Variants in SLC25A48 observed in about 807,000 individuals in gnomAD.
SLC25A48 encodes CTC-321K16.1.
SLC25A48 carries 29 observed loss-of-function variants against 32.2 expected under a neutral mutation model. The observed-to-expected ratio is 0.90, with a 90% CI of 0.67 to 1.23. The LOEUF (loss-of-function observed/expected upper bound fraction) is 1.23, where lower values mean the gene tolerates loss of function less well. Ranked by LOEUF, SLC25A48 falls within the 50% of genes most tolerant of loss-of-function variation. SLC25A48 has a pLI of 0.00. For missense variants in SLC25A48, 399 were observed against 422.7 expected (o/e 0.94, Z 0.49); for synonymous variants, 164 against 172.3 (o/e 0.95, Z 0.38).
In SLC25A48 at chr5:135,639,270, C is replaced by A. The variant is rs184969122; in HGVS notation, c.-521+4314C>A. Among the ~76,000 whole-genome samples, 1,168 of 152,300 alleles carry A rather than the reference C, an allele frequency of 7.7e-3. 11 individuals carry two copies. Among genetic ancestry groups the A allele is most frequent in the Middle Eastern group, 0.014 (4 of 294 alleles). ...TTGTGCATAAAGGGCTATAGTACAG[C>A]AAGGGAGATGCCAGACAATGAAAAC... On this transcript the variant is annotated intron_variant, in intron 3 of 10. Coordinates refer to the SLC25A48 transcript ENST00000646290.
chr5:135,637,551 G>T (rs1752734011), intron 3 of SLC25A48, among the ~76,000 whole-genome samples: 1 of 152,210 alleles, frequency 6.6e-6, no homozygotes, highest in Non-Finnish European at 1.5e-5. Flanking sequence ...TCATGCTAAA[G>T]ATCAAGATGA....
chr5:135,804,013 G>T (rs775439615), intron 3 of SLC25A48, among the ~76,000 whole-genome samples: 1 of 151,398 alleles, frequency 6.6e-6, no homozygotes, highest in Non-Finnish European at 1.5e-5. Flanking sequence ...TACACATGCT[G>T]TACATTTTCT....
intron 5 of SLC25A48, chr5:135,872,215 A>G: frequency 3.7e-6 from 1 of 269,782 alleles, no homozygotes; most frequent in Non-Finnish European, 6.8e-6. Context: ...ACACTTCATC[A>G]TTTTGTGACC....
chr5:135,638,347 C>T (rs1175803403), intron 3 of SLC25A48, among the ~76,000 whole-genome samples: 1 of 152,040 alleles, frequency 6.6e-6, no homozygotes, highest in Non-Finnish European at 1.5e-5. Flanking sequence ...ATATGGCTTA[C>T]ACTTTAATGT....
At position 135,728,841 on chromosome 5, in the gene SLC25A48, T is replaced by TACACACACACACACAC. The variant is rs33918902; in HGVS notation, c.-520-83654_-520-83639dup. On this transcript the variant is annotated intron_variant, in intron 3 of 10. Coordinates refer to the SLC25A48 transcript ENST00000646290. ...AATTTCCCCTGAACACATACACAAA[T>TACACACACACACACAC]ACACACACACACACACACACACACA... 7.1e-3 allele frequency among the ~76,000 whole-genome samples: 1,001 copies of TACACACACACACACAC among 141,610 alleles called. 9 individuals are homozygous for TACACACACACACACAC. Among genetic ancestry groups the TACACACACACACACAC allele is most frequent in the Admixed American group, 0.022 (302 of 13,970 alleles). The allele number at this position is 141,610 out of a possible 152,430, so 92.9% of individuals were successfully genotyped here. A position where few individuals can be genotyped will look rare whatever the true frequency, so the allele number is the denominator to read the frequency against.
chr5:135,875,451 A>C, intron 6 of SLC25A48: 1 of 152,292 alleles, frequency 6.6e-6, no homozygotes, highest in South Asian at 2.1e-4. Flanking sequence ...TGAGAGGGAC[A>C]AGATCCAAAA....
chr5:135,655,032 C>T (rs1257773104), intron 3 of SLC25A48, among the ~76,000 whole-genome samples: 1 of 152,142 alleles, frequency 6.6e-6, no homozygotes, highest in Non-Finnish European at 1.5e-5. Context: ...AGCTGGGGGA[C>T]CTAGCAGGGC....
At chr5:135,868,663 C>G (rs946557727) in intron 4 of SLC25A48, among the ~76,000 whole-genome samples, 4 of 87,640 alleles carry the variant, frequency 4.6e-5, no homozygotes, top group Non-Finnish European at 1.1e-4. Flanking sequence ...TATGTGTATA[C>G]ACACACACAC....
intron 3 of SLC25A48, among the ~76,000 whole-genome samples, chr5:135,768,806 C>G (rs909293591): frequency 1.3e-5 from 2 of 151,492 alleles, no homozygotes; most frequent in African/African-American, 4.9e-5. Flanking sequence ...TCATAATATC[C>G]AGGTAAAAGA....
At chr5:135,606,477 G>A (rs1165977373) in intron 1 of SLC25A48, among the ~76,000 whole-genome samples, 2 of 152,228 alleles carry the variant, frequency 1.3e-5, no homozygotes, top group Non-Finnish European at 2.9e-5. Context: ...AAGTGACTGT[G>A]CTGTATCTAT....
intron 3 of SLC25A48, among the ~76,000 whole-genome samples, chr5:135,668,204 C>G (rs7707534): frequency 6.6e-6 from 1 of 151,980 alleles, no homozygotes; most frequent in African/African-American, 2.4e-5. Context: ...CACTAACAAG[C>G]GGCCAGAGAT....
chr5:135,818,054 C>CTCTCTCTCTCTCT (rs1757773517), intron 4 of SLC25A48, among the ~76,000 whole-genome samples: 7 of 80,646 alleles, frequency 8.7e-5, no homozygotes, highest in African/African-American at 3.1e-4. Context: ...TCTCTCTGTT[C>CTCTCTCTCTCTCT]CTCTCTCTCT....
At chr5:135,707,021 A>T (rs1754528334) in intron 3 of SLC25A48, among the ~76,000 whole-genome samples, 1 of 152,178 alleles carries the variant, frequency 6.6e-6, no homozygotes, top group Non-Finnish European at 1.5e-5. Context: ...GTGTGCAGTG[A>T]GTGGATGAGT....
intron 3 of SLC25A48, among the ~76,000 whole-genome samples, chr5:135,693,192 C>T (rs1299656931): frequency 6.6e-6 from 1 of 152,172 alleles, no homozygotes; most frequent in Non-Finnish European, 1.5e-5. Context: ...AAAACTTCTA[C>T]ATTTGGCTTG....
intron 3 of SLC25A48, among the ~76,000 whole-genome samples, chr5:135,734,416 G>C (rs1285216559): frequency 2.6e-5 from 4 of 152,130 alleles, no homozygotes. Flanking sequence ...GCACCAGAGT[G>C]GGGGAGTTTT....
chr5:135,685,196 A>G (rs1753990986), intron 3 of SLC25A48, among the ~76,000 whole-genome samples: 1 of 151,928 alleles, frequency 6.6e-6, no homozygotes, highest in African/African-American at 2.4e-5. Flanking sequence ...AGCAATTTGC[A>G]TCTCTTTTTT....
At chr5:135,839,787 C>T (rs1032714454) in intron 1 of SLC25A48, among the ~76,000 whole-genome samples, 11 of 152,106 alleles carry the variant, frequency 7.2e-5, no homozygotes, top group South Asian at 6.2e-4. Context: ...ATCATGGGGG[C>T]GAGTTTTCCT....
chr5:135,832,633 G>A (rs1758247784), upstream of SLC25A48, among the ~76,000 whole-genome samples: 2 of 152,156 alleles, frequency 1.3e-5, no homozygotes. Context: ...ATCTCAGATG[G>A]ATTGTCTCCT....
At chr5:135,596,034 C>T (rs1471921319) in intron 1 of SLC25A48, among the ~76,000 whole-genome samples, 2 of 152,192 alleles carry the variant, frequency 1.3e-5, no homozygotes, top group Non-Finnish European at 2.9e-5. Context: ...ACCCCTTACC[C>T]TTGCCAGAAC....
Sources: gnomAD v4.1 joint callset for allele counts (sites outside exome capture counted in the v4.1 genomes callset) on GRCh38, gnomAD v4.1.1 for gene constraint, MANE v1.5 for transcripts, NCBI Gene and HGNC (gene_info 2026-07-23, HGNC 2026-07-21) for gene names.